The following MIB1 variants were observed in gnomAD, a reference collection of about 807,000 sequenced individuals.
MIB1 encodes the protein MIB E3 ubiquitin protein ligase 1, also known as E3 ubiquitin-protein ligase MIB1.
Under a neutral mutation model 124.5 loss-of-function variants are expected in MIB1, and 278 were observed. The observed-to-expected ratio is 2.23, with a 90% CI of 2.02 to 2.47. The LOEUF (loss-of-function observed/expected upper bound fraction) is 2.47. MIB1 is among the 30% of genes most tolerant of loss of function. The pLI is 0.00. For missense variants in MIB1, 957 were observed against 1,254.4 expected, an observed-to-expected ratio of 0.76 and a Z score of 3.58; for synonymous variants, 446 against 429.4, an observed-to-expected ratio of 1.04 and a Z score of -0.48.
intron 10 of MIB1, among the ~76,000 whole-genome samples, chr18:21,808,597 A>G (rs929175601): frequency 2.0e-5 from 3 of 152,084 alleles, no homozygotes; most frequent in African/African-American, 7.2e-5. Flanking sequence ...TTTGTTTCCT[A>G]TTTCTTTTTC....
intron 19 of MIB1, among the ~76,000 whole-genome samples, chr18:21,857,783 A>G (rs868500847): frequency 6.6e-6 from 1 of 152,134 alleles, no homozygotes; most frequent in African/African-American, 2.4e-5. Flanking sequence ...GTTTCAAAGT[A>G]TTTTTTCTCT....
intron 1 of MIB1, among the ~76,000 whole-genome samples, chr18:21,716,436 C>T (rs986029995): frequency 6.6e-6 from 1 of 152,054 alleles, no homozygotes; most frequent in African/African-American, 2.4e-5. Context: ...CTTACAGGAC[C>T]TATAAAACAA....
chr18:21,815,745 G>C lies in MIB1; in HGVS notation c.1609G>C (p.Ala537Pro). The part of the protein sequence containing the change: ...NKRRQTPLHI[A>P]VNKGHLQVVK... ...GCGCCGACAGACACCACTTCATATT[G>C]CTGTCAATAAAGGTCATCTTCAAGT... Residue 537 changes from alanine to proline, a missense_variant, in exon 11 of 21, where the codon GCT (alanine) becomes CCT (proline). Physicochemically the swap from Ala to Pro is conservative, Grantham distance 27. Transcript: ENST00000261537. 1 of 1,614,084 alleles carries C rather than the reference G, an allele frequency of 6.2e-7. No individual in the cohort carries two copies. The highest frequency in any genetic ancestry group is 8.5e-7 in the Non-Finnish European group (1 of 1,180,012).
intron 7 of MIB1, among the ~76,000 whole-genome samples, chr18:21,793,170 T>G (rs2041526947): frequency 6.6e-6 from 1 of 152,206 alleles, no homozygotes; most frequent in Non-Finnish European, 1.5e-5. Flanking sequence ...GACAATTGTC[T>G]TAGCAGCACC....
In MIB1 at chr18:21,844,140, G is replaced by T; in HGVS notation, c.2098G>T (p.Asp700Tyr). Residue 700 changes from aspartate (D) to tyrosine (Y), a missense_variant, in exon 15 of 21, where the codon GAT becomes TAT. By Grantham distance (160) the Asp-to-Tyr change is radical. Coordinates refer to ENST00000261537, the MANE Select transcript of MIB1 (RefSeq NM_020774.4). Reference sequence around the variant, plus strand: ...GCTTGATATTCAGGATAAGGATGGGGATACTCCTTTGCATGAAGCTCTAAG... The same window carrying T: ...GCTTGATATTCAGGATAAGGATGGGTATACTCCTTTGCATGAAGCTCTAAG... ...AKLDIQDKDG[D>Y]TPLHEALRHH... 1.2e-6 allele frequency: 2 copies of T among 1,614,032 alleles called. No homozygotes were observed. Among genetic ancestry groups the T allele is most frequent in the Non-Finnish European group, 1.7e-6 (2 of 1,179,978 alleles).
intron 1 of MIB1, among the ~76,000 whole-genome samples, chr18:21,720,931 C>A (rs563769384): frequency 2.0e-5 from 3 of 152,152 alleles, no homozygotes; most frequent in African/African-American, 7.2e-5. Flanking sequence ...CTCTGCACTC[C>A]AGCCTGGGCA....
chr18:21,848,011 A>G (rs1243312091), intron 16 of MIB1, among the ~76,000 whole-genome samples: 1 of 152,090 alleles, frequency 6.6e-6, no homozygotes, highest in African/African-American at 2.4e-5. Context: ...CCTTAACCTT[A>G]GTGTTCCTTG....
Position 21,791,546 on chromosome 18 carries a change from G to A in MIB1, c.1081G>A (p.Ala361Thr), listed in dbSNP as rs2146443029. The A allele has an allele frequency of 6.2e-7, 1 of 1,612,094 alleles. No homozygotes were observed. Among genetic ancestry groups the A allele is most frequent in the Non-Finnish European group, 8.5e-7 (1 of 1,178,608 alleles). The change falls in exon 7 of 21, where the codon GCG becomes ACG. Residue 361 changes from alanine (A) to threonine (T), a missense_variant. By Grantham distance (58) the Ala-to-Thr change is moderately conservative. Transcript: ENST00000261537. ...AAGAGGACATGGAGAATGGGCTGAA[G>A]CGATGCTTCCAGTAAGTATGTTTAG... ...LQRGHGEWAE[A>T]MLPTLGKVGR...
intron 12 of MIB1, chr18:21,825,905 T>G (rs904937064): frequency 1.4e-5 from 5 of 356,712 alleles, no homozygotes; most frequent in Non-Finnish European, 2.3e-5. Flanking sequence ...GAATGTCAAA[T>G]TTTCCATTTT....
At chr18:21,835,830 CACACACACAA>C (rs1356935966) in intron 12 of MIB1, among the ~76,000 whole-genome samples, 2,854 of 83,814 alleles carry the variant, frequency 0.034, 57 homozygotes, top group East Asian at 0.082. Context: ...CACACACACA[CACACACACAA>C]ACACACACGA....
At chr18:21,747,996 C>T (rs1367219376) in intron 1 of MIB1, among the ~76,000 whole-genome samples, 1 of 152,204 alleles carries the variant, frequency 6.6e-6, no homozygotes, top group East Asian at 1.9e-4. Context: ...ATCAGACACA[C>T]TTTTCAAAGA....
chr18:21,749,731 C>T (rs2040952952), intron 1 of MIB1, among the ~76,000 whole-genome samples: 1 of 147,532 alleles, frequency 6.8e-6, no homozygotes, highest in Non-Finnish European at 1.5e-5. Context: ...ACCTCTGCCT[C>T]CCAGGTTCAA....
At chr18:21,811,540 A>G (rs892019852) in intron 10 of MIB1, among the ~76,000 whole-genome samples, 1 of 152,188 alleles carries the variant, frequency 6.6e-6, no homozygotes, top group African/African-American at 2.4e-5. Flanking sequence ...TAAACTTAAA[A>G]AGAAAGGAAA....
intron 3 of MIB1, 54 bp from the exon 4 acceptor site, chr18:21,773,570 T>A: frequency 9.0e-7 from 1 of 1,113,628 alleles, no homozygotes; most frequent in Non-Finnish European, 1.3e-6. Context: ...TTAAAAGAAC[T>A]AAGCTCTTCC....
At chr18:21,713,717 G>A (rs1205321238) in intron 1 of MIB1, among the ~76,000 whole-genome samples, 1 of 149,434 alleles carries the variant, frequency 6.7e-6, no homozygotes, top group Admixed American at 6.7e-5. Flanking sequence ...AAAATGCTAG[G>A]AGTACAGGCA....
intron 1 of MIB1, among the ~76,000 whole-genome samples, chr18:21,714,724 C>T (rs2040681021): frequency 6.6e-6 from 1 of 152,210 alleles, no homozygotes; most frequent in African/African-American, 2.4e-5. Context: ...GGGAAACCAA[C>T]TGCCATGTAA....
intron 1 of MIB1, among the ~76,000 whole-genome samples, chr18:21,742,541 C>CAA (rs1370264264): frequency 6.6e-6 from 1 of 152,130 alleles, no homozygotes; most frequent in Non-Finnish European, 1.5e-5. Flanking sequence ...CAGAATCTTA[C>CAA]TCATTCACCC....
intron 1 of MIB1, among the ~76,000 whole-genome samples, chr18:21,748,730 C>CTTTTT (rs557338460): frequency 1.0e-3 from 111 of 107,120 alleles, no homozygotes; most frequent in Non-Finnish European, 1.8e-3. Context: ...CATGCCCAGC[C>CTTTTT]TTTTTTTTTT....
chr18:21,844,059 A>C (rs756753529), intron 14 of MIB1, 33 bp from the exon 15 acceptor site: 5 of 1,610,438 alleles, frequency 3.1e-6, no homozygotes, highest in Non-Finnish European at 3.4e-6. Context: ...GGATGTGGAC[A>C]CTTTGCCAAA....
Sources: allele counts gnomAD v4.1 joint callset (sites outside exome capture counted in the v4.1 genomes callset), GRCh38; gene constraint gnomAD v4.1.1; transcripts MANE v1.5; gene names NCBI Gene and HGNC (gene_info 2026-07-23, HGNC 2026-07-21).